The following MED13L variants were observed in gnomAD, a reference collection of about 807,000 sequenced individuals.
MED13L encodes the protein mediator of RNA polymerase II transcription subunit 13-like.
A neutral mutation model predicts 220.9 loss-of-function variants in MED13L; 7 were observed. The observed-to-expected ratio is 0.03, with a 90% CI of 0.02 to 0.06. The LOEUF is 0.06. Among genes scored for constraint, MED13L ranks in the 10% least tolerant of loss-of-function variants. The probability of loss-of-function intolerance (pLI) is 1.00; values close to 1 mark genes in which losing one functional copy is unlikely to be tolerated. For missense variants in MED13L, 1,965 were observed against 2,760.5 expected (o/e 0.71, Z 6.46); for synonymous variants, 1,011 against 1,015.2 (o/e 1.00, Z 0.08).
chr12:116,008,370 G>T lies in MED13L; in HGVS notation c.2012+31C>A, dbSNP rs757071658. On this transcript the variant is annotated intron_variant, in intron 10 of 30. Transcript: ENST00000281928. ...GGAGGGAGCCCATGCCCTTCCGGTG[G>T]ACGGGTGGGTGGTGCAGAGAGCTGT... 2.5e-6 allele frequency: 4 copies of T among 1,581,694 alleles called. No homozygotes were observed. The South Asian group carries it at 4.6e-5, about 18-fold the overall frequency.
chr12:116,231,124 C>T (rs1462103359), intron 2 of MED13L, among the ~76,000 whole-genome samples: 1 of 152,054 alleles, frequency 6.6e-6, no homozygotes, highest in Non-Finnish European at 1.5e-5. Context: ...CAGGTGATTC[C>T]GGAATTTTTC....
At chr12:115,993,673 C>A (rs747098568) in intron 16 of MED13L, among the ~76,000 whole-genome samples, 1 of 152,086 alleles carries the variant, frequency 6.6e-6, no homozygotes, top group Non-Finnish European at 1.5e-5. Flanking sequence ...TTCTCCTGTT[C>A]AACAAAACCC....
At chr12:116,049,024 T>C (rs942887145) in intron 4 of MED13L, among the ~76,000 whole-genome samples, 2 of 152,200 alleles carry the variant, frequency 1.3e-5, no homozygotes, top group African/African-American at 2.4e-5. Context: ...TTCTTCTGCC[T>C]TCCTAGCAAA....
chr12:116,276,968 C>G (rs1190525220), intron 1 of MED13L, 92 bp downstream of exon 1: 7 of 1,382,394 alleles, frequency 5.1e-6, no homozygotes, highest in East Asian at 2.6e-5. Flanking sequence ...GGCGAAGTCC[C>G]GGCGGCGGGA....
intron 4 of MED13L, among the ~76,000 whole-genome samples, chr12:116,028,631 G>A (rs1394434867): frequency 2.6e-5 from 4 of 152,062 alleles, no homozygotes; most frequent in Non-Finnish European, 5.9e-5. Flanking sequence ...ACTAGTCCCG[G>A]CATCAGTTCT....
intron 17 of MED13L, among the ~76,000 whole-genome samples, chr12:115,990,348 T>C (rs1468124590): frequency 1.3e-5 from 2 of 152,238 alleles, no homozygotes; most frequent in African/African-American, 4.8e-5. Context: ...ATTTAATTGA[T>C]GTCCACTTCC....
rs1403991331 is a variant in MED13L at position 116,009,185 on chromosome 12, C to T, written c.1281-53G>A. 1.1e-5 allele frequency: 17 copies of T among 1,604,410 alleles called. No individual in the cohort carries two copies. In the East Asian group the frequency reaches 3.8e-4, roughly 36 times the overall value. On this transcript the variant is annotated intron_variant, in intron 9 of 30. Transcript: ENST00000281928. Reference sequence around the variant, plus strand: ...TTATAACATTAAGAAAAGAGATTCTCTGACAAAATTTTGCCTTTTAAAGCA... The same window carrying T: ...TTATAACATTAAGAAAAGAGATTCTTTGACAAAATTTTGCCTTTTAAAGCA...
chr12:116,183,746 G>C (rs1270523088), intron 2 of MED13L, among the ~76,000 whole-genome samples: 1 of 150,090 alleles, frequency 6.7e-6, no homozygotes, highest in Non-Finnish European at 1.5e-5. Context: ...AGGCAAGCAG[G>C]GAAAAAATCA....
chr12:116,236,900 C>G (rs1278929013), intron 2 of MED13L: 1 of 982,652 alleles, frequency 1.0e-6, no homozygotes, highest in Non-Finnish European at 1.2e-6. Flanking sequence ...CCTGGAATCA[C>G]CAAATTACAT....
At chr12:116,069,406 T>G (rs528860173) in intron 4 of MED13L, among the ~76,000 whole-genome samples, 1 of 152,312 alleles carries the variant, frequency 6.6e-6, no homozygotes, top group East Asian at 1.9e-4. Context: ...TTATTTTTGC[T>G]TCATTAATAA....
chr12:116,001,125 A>G (rs1878713817), intron 14 of MED13L, among the ~76,000 whole-genome samples: 1 of 152,204 alleles, frequency 6.6e-6, no homozygotes. Context: ...AAAATGTGAA[A>G]TTGCACATGT....
chr12:116,158,643 C>A (rs532751132), intron 2 of MED13L, among the ~76,000 whole-genome samples: 2 of 152,136 alleles, frequency 1.3e-5, no homozygotes, highest in East Asian at 1.9e-4. Context: ...AATCTACCAA[C>A]AAAGTGACAG....
intron 1 of MED13L, among the ~76,000 whole-genome samples, chr12:116,260,575 A>T (rs1872436538): frequency 6.6e-6 from 1 of 152,358 alleles, no homozygotes; most frequent in African/African-American, 2.4e-5. Flanking sequence ...TTGTGCACTC[A>T]GAAAGCTAAG....
intron 4 of MED13L, among the ~76,000 whole-genome samples, chr12:116,085,177 TCTA>T (rs1871540856): frequency 6.6e-6 from 1 of 152,186 alleles, no homozygotes. Flanking sequence ...TGAGGCTATT[TCTA>T]CTACAAGAAT....
chr12:116,102,673 G>A (rs61939693), intron 3 of MED13L, among the ~76,000 whole-genome samples: 20,741 of 143,132 alleles, frequency 0.14, 1,787 homozygotes, highest in Middle Eastern at 0.21. Context: ...AACCTTTCCC[G>A]AGTAATCCCT....
chr12:116,041,089 C>T (rs554477981), intron 4 of MED13L, among the ~76,000 whole-genome samples: 2 of 152,130 alleles, frequency 1.3e-5, no homozygotes, highest in South Asian at 4.1e-4. Context: ...AACAAGGGAA[C>T]AGGTATGGTT....
At chr12:116,188,453 G>A (rs776070464) in intron 2 of MED13L, among the ~76,000 whole-genome samples, 11 of 152,002 alleles carry the variant, frequency 7.2e-5, no homozygotes, top group Non-Finnish European at 1.2e-4. Context: ...TAGGTAAAAC[G>A]GCAAATGAGT....
At chr12:116,211,938 T>C (rs1457527017) in intron 2 of MED13L, among the ~76,000 whole-genome samples, 7 of 150,638 alleles carry the variant, frequency 4.6e-5, no homozygotes, top group Admixed American at 4.6e-4. Context: ...AGGCATATAG[T>C]ACTGTAGTTT....
intron 4 of MED13L, among the ~76,000 whole-genome samples, chr12:116,068,231 G>T (rs1870102928): frequency 6.6e-6 from 1 of 152,176 alleles, no homozygotes; most frequent in Admixed American, 6.6e-5. Flanking sequence ...GCATCTGACA[G>T]CTGATAATAC....
Sources: gnomAD v4.1 joint callset for allele counts (sites outside exome capture counted in the v4.1 genomes callset) on GRCh38, gnomAD v4.1.1 for gene constraint, MANE v1.5 for transcripts, NCBI Gene and HGNC (gene_info 2026-07-23, HGNC 2026-07-21) for gene names.